Variants in MTERF4 observed in about 807,000 individuals in gnomAD.
MTERF4 encodes mitochondrial transcription termination factor 4.
A neutral mutation model predicts 22.5 loss-of-function variants in MTERF4; 17 were observed. That is an observed-to-expected ratio of 0.75 (90% CI 0.52 to 1.13). The LOEUF (loss-of-function observed/expected upper bound fraction) is 1.13. Ranked by LOEUF, MTERF4 falls within the 50% of genes most tolerant of loss-of-function variation. The probability of loss-of-function intolerance (pLI) is 0.00; values close to 1 mark genes in which losing one functional copy is unlikely to be tolerated. For missense variants in MTERF4, 420 were observed against 466.8 expected, an observed-to-expected ratio of 0.90 and a Z score of 0.92; for synonymous variants, 165 against 175.3, an observed-to-expected ratio of 0.94 and a Z score of 0.47.
At chr2:241,098,466 AG>A (rs570457244) in intron 2 of MTERF4, among the ~76,000 whole-genome samples, 57 of 152,330 alleles carry the variant, frequency 3.7e-4, no homozygotes, top group African/African-American at 1.3e-3. Context: ...AAAGTGGGTA[AG>A]GGTCCTTGGA....
chr2:241,088,121 C>G (rs901949260), downstream of MTERF4: 4 of 531,698 alleles, frequency 7.5e-6, no homozygotes, highest in Non-Finnish European at 1.3e-5. Flanking sequence ...TCCTCTCTCT[C>G]TCTGACTCAC....
chr2:241,049,995 G>C, the MTERF4 span: 3 of 1,209,708 alleles, frequency 2.5e-6, no homozygotes, highest in South Asian at 3.6e-5. Flanking sequence ...GCGGTCCGCC[G>C]TCCTGCTTCT....
the MTERF4 span, chr2:241,052,555 G>C: frequency 9.5e-7 from 1 of 1,048,554 alleles, no homozygotes; most frequent in African/African-American, 1.6e-5. Context: ...GGGTACATGG[G>C]ATACCAGTGC....
the MTERF4 span, among the ~76,000 whole-genome samples, chr2:241,044,789 T>C: frequency 6.6e-6 from 1 of 152,214 alleles, no homozygotes; most frequent in South Asian, 2.1e-4. Flanking sequence ...TTCCCTTTCC[T>C]GTTGTTTTTC....
chr2:241,052,940 G>C, the MTERF4 span, among the ~76,000 whole-genome samples: 6 of 152,148 alleles, frequency 3.9e-5, no homozygotes, highest in African/African-American at 1.4e-4. Context: ...GGGATTTCTT[G>C]CTAATCCCTG....
the MTERF4 span, chr2:241,064,197 G>A: frequency 8.9e-6 from 9 of 1,015,438 alleles, no homozygotes; most frequent in African/African-American, 4.1e-5. This position sits in a 1 kb window ranked among gnomAD's most constrained non-coding sequence, Gnocchi z 7.0. Flanking sequence ...CCTGCTGCCC[G>A]CCCTCTGCCC....
chr2:241,096,664 G>C lies in MTERF4; in HGVS notation c.706-226C>G. ...TGGAGCAGGAAATAAAGGGGTGGGA[G>C]GGAAAAGGGGCAGGAGGGAGAAGGG... On this transcript the variant is annotated intron_variant, in intron 3 of 3. Transcript: ENST00000391980. The surrounding 1 kb of genome is among the most constrained non-coding windows in gnomAD (Gnocchi z 5.1). The C allele has an allele frequency of 1.4e-6, 1 of 692,444 alleles. No homozygotes were observed. Among genetic ancestry groups the C allele is most frequent in the South Asian group, 1.5e-5 (1 of 66,526 alleles). 42.9% of individuals were successfully genotyped at this position (692,444 alleles called of 1,614,324 possible). A position where few individuals can be genotyped will look rare whatever the true frequency, so the allele number is the denominator to read the frequency against.
downstream of MTERF4, chr2:241,094,478 A>T (rs1559331908): frequency 2.2e-6 from 1 of 463,110 alleles, no homozygotes; most frequent in South Asian, 1.6e-5. The surrounding 1 kb of genome is among the most constrained non-coding windows in gnomAD (Gnocchi z 4.3). Flanking sequence ...AATCCCCACA[A>T]TTGCATGCAG....
downstream of MTERF4, chr2:241,069,023 C>G: frequency 6.5e-7 from 1 of 1,547,708 alleles, no homozygotes; most frequent in East Asian, 2.4e-5. The surrounding 1 kb of genome is among the most constrained non-coding windows in gnomAD (Gnocchi z 4.9). Flanking sequence ...CGTGTGGACC[C>G]GTGAGTAGAG....
At chr2:241,051,951 C>T in the MTERF4 span, 1 of 1,481,316 alleles carries the variant, frequency 6.8e-7, no homozygotes. This position sits in a 1 kb window ranked among gnomAD's most constrained non-coding sequence, Gnocchi z 4.7. Context: ...AGCTGTGGGT[C>T]TGCTTCTCAT....
downstream of MTERF4, chr2:241,071,507 T>A: frequency 6.6e-7 from 1 of 1,520,248 alleles, no homozygotes; most frequent in Non-Finnish European, 8.8e-7. Context: ...GCACCACCCA[T>A]GCCACAGGGG....
At chr2:241,048,800 C>A in the MTERF4 span, 1 of 1,517,950 alleles carries the variant, frequency 6.6e-7, no homozygotes, top group Non-Finnish European at 9.1e-7. Flanking sequence ...TGCCCTGTCC[C>A]TGAGCATCCT....
chr2:241,060,941 AC>A, the MTERF4 span, among the ~76,000 whole-genome samples: 2 of 152,120 alleles, frequency 1.3e-5, no homozygotes, highest in Non-Finnish European at 2.9e-5. Context: ...AAAAAAAACA[AC>A]CAAAAAAAAC....
intron 1 of MTERF4, chr2:241,101,241 G>C (rs552304610): frequency 6.5e-6 from 3 of 461,824 alleles, no homozygotes; most frequent in Non-Finnish European, 1.4e-5. Context: ...ATGGGAAACA[G>C]TGACAGATCA....
chr2:241,064,640 C>T, the MTERF4 span, among the ~76,000 whole-genome samples: 291 of 152,286 alleles, frequency 1.9e-3, no homozygotes, highest in African/African-American at 6.8e-3. This position sits in a 1 kb window ranked among gnomAD's most constrained non-coding sequence, Gnocchi z 7.0. Flanking sequence ...GGTGGCACTC[C>T]GCTGTGGAGG....
downstream of MTERF4, chr2:241,090,002 C>T (rs1264437895): frequency 2.6e-6 from 4 of 1,548,980 alleles, no homozygotes; most frequent in Non-Finnish European, 3.5e-6. Flanking sequence ...CTTAGCGTAG[C>T]TGGAATGCGC....
At chr2:241,064,788 G>T in the MTERF4 span, 1 of 1,304,192 alleles carries the variant, frequency 7.7e-7, no homozygotes, top group Non-Finnish European at 1.0e-6. The surrounding 1 kb of genome is among the most constrained non-coding windows in gnomAD (Gnocchi z 7.0). Flanking sequence ...GGGCGGGGCT[G>T]GAGCAGGGAC....
Position 241,099,696 on chromosome 2 carries a change from C to G in MTERF4, c.220G>C (p.Val74Leu), listed in dbSNP as rs2125387755. 4 of 1,614,222 alleles carry G rather than the reference C, an allele frequency of 2.5e-6. No homozygotes were observed. The East Asian group carries it at 8.9e-5, about 36-fold the overall frequency. Reference sequence around the variant, plus strand: ...CCCTGCTTCTCAAGGAGGCACTGAACAAGATTCCTCCTGCACTCTGGTTCC... The same window carrying G: ...CCCTGCTTCTCAAGGAGGCACTGAAGAAGATTCCTCCTGCACTCTGGTTCC... ...VQEPECRRNLVQCLLEKQGTP... is the reference protein window; with the variant it reads ...VQEPECRRNLLQCLLEKQGTP... The change falls in exon 2 of 4, where the codon GTT becomes CTT. Residue 74 changes from valine (V) to leucine (L), a missense_variant. Coordinates refer to ENST00000391980, the MANE Select transcript of MTERF4 (RefSeq NM_182501.4).
downstream of MTERF4, chr2:241,070,267 C>T: frequency 6.7e-7 from 1 of 1,487,674 alleles, no homozygotes; most frequent in Non-Finnish European, 9.0e-7. Context: ...CTGTTCAGGA[C>T]TGACCTGGCC....
Sources: gnomAD v4.1 joint callset for allele counts (sites outside exome capture counted in the v4.1 genomes callset) on GRCh38, gnomAD v4.1.1 for gene constraint, Gnocchi (gnomAD v3.1) non-coding constraint, MANE v1.5 for transcripts, NCBI Gene and HGNC (gene_info 2026-07-23, HGNC 2026-07-21) for gene names.